The following TBC1D9 variants were observed in gnomAD, a reference collection of about 807,000 sequenced individuals.
TBC1D9 encodes the protein TBC1 domain family member 9.
In TBC1D9, 63 loss-of-function variants were observed where a neutral mutation model predicts 132.0. The ratio of observed to expected loss-of-function variants is 0.48; its 90% confidence interval spans 0.39 to 0.59. TBC1D9 has a LOEUF of 0.59. TBC1D9 is among the 20% of genes least tolerant of loss of function. The pLI, the probability that TBC1D9 is intolerant of heterozygous loss-of-function variation, is 0.00. For missense variants in TBC1D9, 1,261 were observed against 1,592.7 expected, an observed-to-expected ratio of 0.79 and a Z score of 3.54; for synonymous variants, 610 against 609.9, an observed-to-expected ratio of 1.00 and a Z score of 0.00.
intron 1 of TBC1D9, among the ~76,000 whole-genome samples, chr4:140,710,108 A>G (rs563283922): frequency 6.6e-6 from 1 of 152,296 alleles, no homozygotes; most frequent in South Asian, 2.1e-4. Context: ...ACGCAATTCT[A>G]TAACTCTCAT....
At chr4:140,691,165 C>T (rs1290274889) in intron 2 of TBC1D9, among the ~76,000 whole-genome samples, 2 of 152,094 alleles carry the variant, frequency 1.3e-5, no homozygotes, top group African/African-American at 4.8e-5. Flanking sequence ...TCTGAAGATG[C>T]CAATCCAGTA....
At chr4:140,701,463 C>T in intron 2 of TBC1D9, 41 bp downstream of exon 2, 2 of 1,516,980 alleles carry the variant, frequency 1.3e-6, no homozygotes, top group Non-Finnish European at 1.8e-6. Context: ...AACCCTAACG[C>T]TTCTTTTAAA....
At chr4:140,702,952 A>G (rs1738095097) in intron 1 of TBC1D9, among the ~76,000 whole-genome samples, 1 of 152,172 alleles carries the variant, frequency 6.6e-6, no homozygotes, top group South Asian at 2.1e-4. Flanking sequence ...CCTTTTCTCA[A>G]TTGCCAAATG....
Position 140,668,945 on chromosome 4 carries a change from C to T in TBC1D9, c.1560G>A (p.Met520Ile). The T allele has an allele frequency of 1.9e-6, 3 of 1,613,972 alleles. No individual in the cohort carries two copies. Among genetic ancestry groups the T allele is most frequent in the Non-Finnish European group, 2.5e-6 (3 of 1,179,878 alleles). The change falls in exon 9 of 21, where the codon ATG becomes ATA. Residue 520 changes from methionine (M) to isoleucine (I), a missense_variant. Around this residue, in one of 3 missense-constraint regions of TBC1D9, gnomAD observed 550 missense variants for 699.0 expected, o/e 0.79. Coordinates refer to ENST00000442267, the MANE Select transcript of TBC1D9 (RefSeq NM_015130.3). ...ELVLKGIPES[M>I]RGELWLLLSG... is the part of the protein sequence containing the mutation. ...ACAGCAGCAGCCAGAGCTCCCCACG[C>T]ATGCTCTCCGGGATGCCCTTCAACA...
intron 1 of TBC1D9, among the ~76,000 whole-genome samples, chr4:140,752,566 T>TA (rs34165611): frequency 0.29 from 43,377 of 151,888 alleles, 7,167 homozygotes; most frequent in South Asian, 0.45. Context: ...TATTTTTTTT[T>TA]ATCCTGGTGT....
chr4:140,642,744 C>T (rs1737024903), intron 13 of TBC1D9: 1 of 650,140 alleles, frequency 1.5e-6, no homozygotes. Context: ...ATTCCTGCTC[C>T]CAGCTCATAG....
At chr4:140,690,503 G>A (rs552351946) in intron 2 of TBC1D9, among the ~76,000 whole-genome samples, 1 of 152,050 alleles carries the variant, frequency 6.6e-6, no homozygotes, top group East Asian at 1.9e-4. Context: ...TCTGTCCTCT[G>A]TCTCCTGTCC....
chr4:140,651,587 C>T (rs1249537167), intron 13 of TBC1D9, among the ~76,000 whole-genome samples: 1 of 152,206 alleles, frequency 6.6e-6, no homozygotes, highest in Non-Finnish European at 1.5e-5. Context: ...AAAAATTAAA[C>T]TTAAAATTCA....
At chr4:140,674,059 G>A (rs998466575) in intron 6 of TBC1D9, among the ~76,000 whole-genome samples, 1 of 152,180 alleles carries the variant, frequency 6.6e-6, no homozygotes, top group African/African-American at 2.4e-5. Context: ...CACAGAATTG[G>A]TTTCCCTAGC....
chr4:140,643,459 C>T, intron 13 of TBC1D9: 1 of 915,730 alleles, frequency 1.1e-6, no homozygotes, highest in Non-Finnish European at 1.8e-6. Flanking sequence ...CTTGCCTCTT[C>T]CAGGTAGCAG....
intron 1 of TBC1D9, among the ~76,000 whole-genome samples, chr4:140,747,698 C>G (rs1012498881): frequency 6.6e-6 from 1 of 152,124 alleles, no homozygotes; most frequent in Non-Finnish European, 1.5e-5. Context: ...GCTGAGTAAG[C>G]TGAGAGTCTG....
At position 140,622,156 on chromosome 4, in the gene TBC1D9, C is replaced by T; in HGVS notation, c.*39G>A. 6.6e-7 allele frequency: 1 copy of T among 1,514,082 alleles called. No homozygotes were observed. Among genetic ancestry groups the T allele is most frequent in the Non-Finnish European group, 8.9e-7 (1 of 1,128,532 alleles). 93.8% of individuals were successfully genotyped at this position (1,514,082 alleles called of 1,614,324 possible). A position where few individuals can be genotyped will look rare whatever the true frequency, so the allele number is the denominator to read the frequency against. Reference sequence around the variant, plus strand: ...CACAGAAGAACATAAAAAATCCCTCCCCTCCCTCTCCTCCCACTCCCCCGG... The same window carrying T: ...CACAGAAGAACATAAAAAATCCCTCTCCTCCCTCTCCTCCCACTCCCCCGG... On this transcript the variant is annotated 3_prime_UTR_variant, in exon 21 of 21. Coordinates refer to ENST00000442267, the MANE Select transcript of TBC1D9 (RefSeq NM_015130.3).
At chr4:140,738,568 C>T (rs1365273484) in intron 1 of TBC1D9, among the ~76,000 whole-genome samples, 1 of 152,134 alleles carries the variant, frequency 6.6e-6, no homozygotes, top group Non-Finnish European at 1.5e-5. Context: ...TTTCCTTTTC[C>T]CTGGTACATC....
intron 1 of TBC1D9, among the ~76,000 whole-genome samples, chr4:140,711,001 T>C (rs997067773): frequency 1.3e-5 from 2 of 152,214 alleles, no homozygotes; most frequent in African/African-American, 4.8e-5. Context: ...GGCTCATTCT[T>C]TCCCCACGAA....
rs200383438 is a variant in TBC1D9 at position 140,679,076 on chromosome 4, G to A, written c.717C>T (p.Asn239=). 1.4e-4 allele frequency: 228 copies of A among 1,613,896 alleles called. No individual in the cohort carries two copies. In the African/African-American group the frequency reaches 1.9e-3, roughly 14 times the overall value. Reference sequence around the variant, plus strand: ...GCTGCTCCATTAACTTGAAGGTCTCGTTGATGTTGAGGAATACAGAGAAGA... The same window carrying A: ...GCTGCTCCATTAACTTGAAGGTCTCATTGATGTTGAGGAATACAGAGAAGA... ...EHFFSVFLNI[N]ETFKLMEQLA... is the part of the protein sequence containing the mutation. Residue 239 remains asparagine, a synonymous_variant, in exon 5 of 21, where the codon AAC becomes AAT. Transcript: ENST00000442267.
chr4:140,699,435 G>A (rs35597477), intron 2 of TBC1D9, among the ~76,000 whole-genome samples: 3,449 of 152,256 alleles, frequency 0.023, 61 homozygotes, highest in Non-Finnish European at 0.039. Flanking sequence ...TGATCAAGGA[G>A]GCCCGCAGTC....
intron 13 of TBC1D9, chr4:140,643,134 C>A (rs1262848492): frequency 1.2e-5 from 17 of 1,427,616 alleles, no homozygotes; most frequent in Non-Finnish European, 1.6e-5. Context: ...CACCACGGGC[C>A]CATCCAGCAC....
At chr4:140,663,142 T>C (rs1737391181) in intron 9 of TBC1D9, among the ~76,000 whole-genome samples, 1 of 152,188 alleles carries the variant, frequency 6.6e-6, no homozygotes, top group South Asian at 2.1e-4. Flanking sequence ...GCAAACCATA[T>C]GTCTGATAAG....
intron 1 of TBC1D9, among the ~76,000 whole-genome samples, chr4:140,744,879 TA>T (rs34469042): frequency 0.31 from 33,438 of 107,418 alleles, 4,296 homozygotes; most frequent in South Asian, 0.4. Context: ...CAAGAGTGTT[TA>T]AAAAAAAAAA....
Sources: gnomAD v4.1 joint callset for allele counts (sites outside exome capture counted in the v4.1 genomes callset) on GRCh38, gnomAD v4.1.1 for gene constraint, gnomAD v4.1.1 regional missense constraint, MANE v1.5 for transcripts, NCBI Gene and HGNC (gene_info 2026-07-23, HGNC 2026-07-21) for gene names.